Variants in PTPRT observed in about 807,000 individuals in gnomAD.
PTPRT encodes protein tyrosine phosphatase receptor type T.
In PTPRT, 56 loss-of-function variants were observed where a neutral mutation model predicts 176.8. The ratio of observed to expected loss-of-function variants is 0.32; its 90% confidence interval spans 0.26 to 0.40. The LOEUF is 0.40. PTPRT is among the 10% of genes least tolerant of loss of function. The pLI, the probability that PTPRT is intolerant of heterozygous loss-of-function variation, is 1.00. For missense variants in PTPRT, 1,540 were observed against 1,908.2 expected (o/e 0.81, Z 3.60); for synonymous variants, 783 against 739.0 (o/e 1.06, Z -0.96).
chr20:42,199,165 G>A, intron 16 of PTPRT, 75 bp downstream of exon 16: 3 of 1,529,004 alleles, frequency 2.0e-6, no homozygotes, highest in Non-Finnish European at 2.7e-6. Flanking sequence ...TGATCAATGT[G>A]TGGGGTTCAC....
At chr20:42,383,306 T>C in intron 9 of PTPRT, among the ~76,000 whole-genome samples, 1 of 152,122 alleles carries the variant, frequency 6.6e-6, no homozygotes, top group East Asian at 1.9e-4. Flanking sequence ...CTGGCTTCCC[T>C]GGTGCCTGGA....
chr20:42,795,613 G>C (rs544815230), intron 2 of PTPRT, among the ~76,000 whole-genome samples: 1 of 152,224 alleles, frequency 6.6e-6, no homozygotes, highest in Non-Finnish European at 1.5e-5. Context: ...AGGTGGCCCC[G>C]CCAGCTCCCA....
intron 7 of PTPRT, among the ~76,000 whole-genome samples, chr20:42,530,080 G>A (rs1488610017): frequency 2.0e-5 from 3 of 152,102 alleles, no homozygotes; most frequent in Non-Finnish European, 2.9e-5. Context: ...TTATAAGACT[G>A]TGGACTTGCT....
At position 42,315,799 on chromosome 20, in the gene PTPRT, T is replaced by A; in HGVS notation, c.2063A>T (p.Asn688Ile). 6.2e-7 allele frequency: 1 copy of A among 1,614,020 alleles called. No homozygotes were observed. Among genetic ancestry groups the A allele is most frequent in the Non-Finnish European group, 8.5e-7 (1 of 1,179,940 alleles). ...AGAGAGAGGAGGGTTCCAGTAGCCA[T>A]TGTATGTCTTATTGTCACCCACTGT... ...PFTVGDNKTYNGYWNPPLSPL... is the reference protein window; with the variant it reads ...PFTVGDNKTYIGYWNPPLSPL... Residue 688 changes from asparagine (N) to isoleucine (I), a missense_variant, in exon 12 of 31, where the codon AAT becomes ATT. By Grantham distance (149) the Asn-to-Ile change is moderately radical. This residue lies in a region of PTPRT where 3 missense variants were observed against 16.1 expected (regional missense o/e 0.19). Coordinates refer to ENST00000373187, the MANE Select transcript of PTPRT (RefSeq NM_007050.6).
chr20:42,607,955 C>A (rs2073908465), intron 7 of PTPRT, among the ~76,000 whole-genome samples: 1 of 152,166 alleles, frequency 6.6e-6, no homozygotes. Flanking sequence ...GGACCAGAAG[C>A]AATGACACTG....
Position 42,074,868 on chromosome 20 carries a change from C to T in PTPRT, c.*6011G>A, listed in dbSNP as rs1411818773. 1.0e-5 allele frequency: 4 copies of T among 398,490 alleles called. No individual in the cohort carries two copies. The highest frequency in any genetic ancestry group is 8.2e-5 in the African/African-American group (4 of 48,596). 24.7% of individuals were successfully genotyped at this position (398,490 alleles called of 1,614,324 possible). Reference sequence around the variant, plus strand: ...AGTCAGTGCCATGCAAAAGCCCATCCCTGGTTACTAAAAAACTAGAAGAGT... The same window carrying T: ...AGTCAGTGCCATGCAAAAGCCCATCTCTGGTTACTAAAAAACTAGAAGAGT... On this transcript the variant is annotated 3_prime_UTR_variant, in exon 31 of 31. Transcript: ENST00000373187.
At position 42,352,209 on chromosome 20, in the gene PTPRT, C is replaced by T. The variant is rs548511212; in HGVS notation, c.1637G>A (p.Arg546Gln). The change falls in exon 10 of 31, where the codon CGG (arginine) becomes CAG (glutamine). Residue 546 changes from arginine to glutamine, a missense_variant. Around this residue, in one of 11 missense-constraint regions of PTPRT, gnomAD observed 136 missense variants for 135.0 expected, o/e 1.01. Coordinates refer to ENST00000373187, the MANE Select transcript of PTPRT (RefSeq NM_007050.6). ...CACAAAGAGGTGGTGGGTTTCATTCCGGAGCTTGAACACTTTCCCCCTCTG... is the reference window on the plus strand; with the variant it reads ...CACAAAGAGGTGGTGGGTTTCATTCTGGAGCTTGAACACTTTCCCCCTCTG... ...SSQRGKVFKLRNETHHLFVGL... is the reference protein window; with the variant it reads ...SSQRGKVFKLQNETHHLFVGL... The T allele has an allele frequency of 1.2e-5, 19 of 1,614,164 alleles. No homozygotes were observed. The highest frequency in any genetic ancestry group is 1.1e-4 in the East Asian group (5 of 44,876).
At chr20:42,467,621 G>C (rs2071121842) in intron 8 of PTPRT, among the ~76,000 whole-genome samples, 1 of 152,032 alleles carries the variant, frequency 6.6e-6, no homozygotes, top group Non-Finnish European at 1.5e-5. Context: ...TATGCTAATT[G>C]GTTTAGAAAT....
chr20:42,519,749 T>C (rs1453631514), intron 7 of PTPRT, among the ~76,000 whole-genome samples: 5 of 152,126 alleles, frequency 3.3e-5, no homozygotes, highest in Admixed American at 2.6e-4. Flanking sequence ...CGTCCAAACA[T>C]AGAATTCTTT....
intron 7 of PTPRT, among the ~76,000 whole-genome samples, chr20:42,648,820 G>GTTTTTTTTTTTGTTTTTTTTTTTTGTTT (rs746084382): frequency 8.9e-6 from 1 of 111,834 alleles, no homozygotes; most frequent in African/African-American, 3.7e-5. Flanking sequence ...TGGTGTCGTT[G>GTTTTTTTTTTTGTTTTTTTTTTTTGTTT]TTTTTTTTTT....
Position 42,102,000 on chromosome 20 carries a change from G to A in PTPRT, c.3714+124C>T. 2.6e-6 allele frequency: 3 copies of A among 1,169,344 alleles called. No individual in the cohort carries two copies. In the South Asian group the frequency reaches 4.6e-5, roughly 18 times the overall value. The allele number at this position is 1,169,344 out of a possible 1,614,324, so 72.4% of individuals were successfully genotyped here. On this transcript the variant is annotated intron_variant, in intron 26 of 30. Transcript: ENST00000373187. ...AGGGGAACAAAGGTCCTTGGGACTA[G>A]TAGATCAGAAGCAGGGGGGGCTGGC... is the stretch of plus-strand genomic sequence containing the variant.
chr20:42,257,842 T>C (rs1412473307), intron 13 of PTPRT, among the ~76,000 whole-genome samples: 1 of 151,776 alleles, frequency 6.6e-6, no homozygotes, highest in Non-Finnish European at 1.5e-5. Context: ...TCCTGGGTAT[T>C]TATAGCAATG....
chr20:42,994,678 T>G (rs773563991), intron 1 of PTPRT, among the ~76,000 whole-genome samples: 3 of 152,224 alleles, frequency 2.0e-5, no homozygotes, highest in Non-Finnish European at 2.9e-5. Flanking sequence ...AATATATTAA[T>G]GAGCAGAATT....
chr20:42,196,791 A>G (rs552182866), intron 16 of PTPRT, among the ~76,000 whole-genome samples: 8 of 152,324 alleles, frequency 5.3e-5, no homozygotes, highest in African/African-American at 1.7e-4. Flanking sequence ...GCAAACCGCA[A>G]ATTTGCTCTG....
At chr20:42,184,524 T>C (rs1399504226) in intron 16 of PTPRT, among the ~76,000 whole-genome samples, 11 of 116,116 alleles carry the variant, frequency 9.5e-5, no homozygotes, top group South Asian at 3.1e-4. Flanking sequence ...TCCTCCTTCT[T>C]CTTCTTCTTC....
intron 4 of PTPRT, among the ~76,000 whole-genome samples, chr20:42,777,562 T>G (rs968122664): frequency 6.6e-6 from 1 of 152,242 alleles, no homozygotes; most frequent in Non-Finnish European, 1.5e-5. Context: ...TTAATATTAG[T>G]TACTGATTTA....
chr20:42,659,482 A>C (rs1037370545), intron 7 of PTPRT, among the ~76,000 whole-genome samples: 5 of 152,146 alleles, frequency 3.3e-5, no homozygotes, highest in African/African-American at 1.2e-4. Context: ...TCTTCAAACT[A>C]CCAGATGCGC....
At chr20:42,157,031 C>A (rs1989386082) in intron 17 of PTPRT, among the ~76,000 whole-genome samples, 1 of 152,166 alleles carries the variant, frequency 6.6e-6, no homozygotes, top group African/African-American at 2.4e-5. Context: ...GGTCAGGTCC[C>A]TCTTTATTTC....
chr20:43,130,458 A>G (rs1216642735), intron 1 of PTPRT, among the ~76,000 whole-genome samples: 1 of 152,194 alleles, frequency 6.6e-6, no homozygotes, highest in Non-Finnish European at 1.5e-5. Context: ...GACCTACACA[A>G]CAGCCACAGG....
Sources: allele counts gnomAD v4.1 joint callset (sites outside exome capture counted in the v4.1 genomes callset), GRCh38; gene constraint gnomAD v4.1.1; regional missense constraint gnomAD v4.1.1; transcripts MANE v1.5; gene names NCBI Gene and HGNC (gene_info 2026-07-23, HGNC 2026-07-21).